Variants in SYCP2L observed in about 807,000 individuals in gnomAD.
SYCP2L encodes the protein synaptonemal complex protein 2-like.
SYCP2L carries 98 observed loss-of-function variants against 125.8 expected under a neutral mutation model. The ratio of observed to expected loss-of-function variants is 0.78; its 90% CI spans 0.66 to 0.92. The LOEUF (loss-of-function observed/expected upper bound fraction) is 0.92, where lower values mean the gene tolerates loss of function less well. Ranked by LOEUF, SYCP2L falls within the 40% of genes least tolerant of loss-of-function variation. The pLI is 0.00. For missense variants in SYCP2L, 842 were observed against 936.4 expected (o/e 0.90, Z 1.32); for synonymous variants, 317 against 325.4 (o/e 0.97, Z 0.28).
chr6:10,902,553 G>T, intron 6 of SYCP2L, 124 bp from the exon 7 acceptor site: 2 of 754,960 alleles, frequency 2.6e-6, no homozygotes, highest in South Asian at 3.7e-5. Flanking sequence ...GGCACAGCCT[G>T]CAAAGTGGGT....
chr6:10,967,249 A>G (rs1781698010), intron 29 of SYCP2L, among the ~76,000 whole-genome samples: 1 of 152,176 alleles, frequency 6.6e-6, no homozygotes, highest in African/African-American at 2.4e-5. Context: ...TAAGTAATCC[A>G]TAAACAAATG....
chr6:10,972,369 G>C (rs2113438970), intron 29 of SYCP2L, among the ~76,000 whole-genome samples: 1 of 152,306 alleles, frequency 6.6e-6, no homozygotes, highest in South Asian at 2.1e-4. Flanking sequence ...GATTAAATGT[G>C]AACTAAATGT....
In SYCP2L at chr6:10,926,704, C is replaced by T. The variant is rs565563384; in HGVS notation, c.1312+272C>T. Among the ~76,000 whole-genome samples, 17 of 151,714 alleles carry T rather than the reference C, an allele frequency of 1.1e-4. No homozygotes were observed. In the South Asian group the frequency reaches 2.7e-3, roughly 24 times the overall value. On this transcript the variant is annotated intron_variant, in intron 16 of 29. Coordinates refer to ENST00000283141, the MANE Select transcript of SYCP2L (RefSeq NM_001040274.3). The stretch of plus-strand genomic sequence containing the variant: ...GGAAGGTCTTGTCTACCCACAAAGT[C>T]GGCCCTGCACTAGACCGTGTTTCTC...
intron 8 of SYCP2L, among the ~76,000 whole-genome samples, chr6:10,903,288 C>T (rs1780416247): frequency 6.6e-6 from 1 of 152,092 alleles, no homozygotes; most frequent in South Asian, 2.1e-4. Context: ...GTGGCTCACG[C>T]CTGTAATCCC....
intron 23 of SYCP2L, among the ~76,000 whole-genome samples, chr6:10,950,013 C>G (rs1050917986): frequency 3.9e-5 from 6 of 151,990 alleles, no homozygotes; most frequent in Non-Finnish European, 8.8e-5. Flanking sequence ...TCCCCTATTT[C>G]TAAAGTTAAC....
intron 29 of SYCP2L, among the ~76,000 whole-genome samples, chr6:10,966,680 C>T (rs959434614): frequency 2.0e-5 from 3 of 152,042 alleles, no homozygotes; most frequent in Non-Finnish European, 4.4e-5. Context: ...TGGTACAAGT[C>T]CAAAGCAATT....
intron 8 of SYCP2L, among the ~76,000 whole-genome samples, chr6:10,903,560 T>C (rs371345231): frequency 1.3e-5 from 2 of 150,366 alleles, no homozygotes; most frequent in African/African-American, 4.9e-5. Context: ...AAAATAATAA[T>C]AATAAAAAAA....
rs745420217 is a variant in SYCP2L, at chr6:10,898,855, A to ATAT, written c.466+12_466+14dup. The stretch of plus-strand genomic sequence containing the variant: ...TCCAGGAGTAGTAGTGAAGGTAAGT[A>ATAT]TATTATTGGCTACTAATTGGCTATT... On this transcript the variant is annotated splice_region_variant and intron_variant, in intron 6 of 29. Coordinates refer to ENST00000283141, the MANE Select transcript of SYCP2L (RefSeq NM_001040274.3). 113 of 1,374,028 alleles carry ATAT rather than the reference A, an allele frequency of 8.2e-5. No individual in the cohort carries two copies. Among genetic ancestry groups the ATAT allele is most frequent in the Admixed American group, 2.8e-4 (16 of 58,048 alleles). The allele number at this position is 1,374,028 out of a possible 1,614,324, so 85.1% of individuals were successfully genotyped here.
intron 29 of SYCP2L, among the ~76,000 whole-genome samples, chr6:10,968,736 T>C (rs1173539940): frequency 3.9e-5 from 6 of 152,158 alleles, no homozygotes; most frequent in Non-Finnish European, 8.8e-5. Context: ...GGAGGAGATG[T>C]ACGCACAGCA....
At chr6:10,922,005 G>A (rs1306076696) in intron 14 of SYCP2L, among the ~76,000 whole-genome samples, 3 of 152,092 alleles carry the variant, frequency 2.0e-5, no homozygotes, top group African/African-American at 4.8e-5. Flanking sequence ...ATGCCTGGCC[G>A]ACCACTTTTT....
chr6:10,939,140 A>G (rs993833849), intron 21 of SYCP2L, among the ~76,000 whole-genome samples: 1 of 152,084 alleles, frequency 6.6e-6, no homozygotes, highest in African/African-American at 2.4e-5. Flanking sequence ...AGAAAATTTC[A>G]TTGATAATAG....
At chr6:10,919,818 GTC>G (rs1380912363) in intron 14 of SYCP2L, among the ~76,000 whole-genome samples, 1 of 152,110 alleles carries the variant, frequency 6.6e-6, no homozygotes, top group Non-Finnish European at 1.5e-5. Context: ...GATTATGGCT[GTC>G]TCTGCTGAGT....
chr6:10,948,643 T>C lies in SYCP2L; in HGVS notation c.1954+5897T>C, dbSNP rs148967578. Among the ~76,000 whole-genome samples, 55 of 152,234 alleles carry C rather than the reference T, an allele frequency of 3.6e-4. No individual in the cohort carries two copies. In the East Asian group the frequency reaches 5.4e-3, roughly 15 times the overall value. The stretch of plus-strand genomic sequence containing the variant: ...GAATACCTTATTAATGAGCTTTACA[T>C]CTACACTCATGAGTGGAACAAACCT... On this transcript the variant is annotated intron_variant, in intron 23 of 29. Transcript: ENST00000283141.
intron 1 of SYCP2L, among the ~76,000 whole-genome samples, chr6:10,889,097 T>TGATATGC (rs1341684539): frequency 2.0e-5 from 3 of 152,122 alleles, no homozygotes; most frequent in African/African-American, 4.8e-5. Context: ...CCTGACCTCA[T>TGATATGC]GATATGCCCG....
chr6:10,923,899 T>C (rs958581023), intron 14 of SYCP2L, among the ~76,000 whole-genome samples: 5 of 151,886 alleles, frequency 3.3e-5, no homozygotes, highest in African/African-American at 1.2e-4. Context: ...TTAGCCAGGA[T>C]GGTCTCCATC....
intron 17 of SYCP2L, among the ~76,000 whole-genome samples, chr6:10,928,094 A>G (rs1780929501): frequency 6.6e-6 from 1 of 151,998 alleles, no homozygotes; most frequent in Non-Finnish European, 1.5e-5. Flanking sequence ...TCAAACACAC[A>G]TGCTCTACAA....
chr6:10,902,184 T>TG (rs1260321211), intron 6 of SYCP2L, among the ~76,000 whole-genome samples: 1 of 152,182 alleles, frequency 6.6e-6, no homozygotes, highest in Non-Finnish European at 1.5e-5. Context: ...GGAAGGATGG[T>TG]GGGGAGGCCA....
chr6:10,895,440 C>CT (rs1780241349), intron 4 of SYCP2L, among the ~76,000 whole-genome samples: 1 of 152,104 alleles, frequency 6.6e-6, no homozygotes, highest in African/African-American at 2.4e-5. Flanking sequence ...TAAACATTTC[C>CT]TTTTTTTCTT....
intron 29 of SYCP2L, among the ~76,000 whole-genome samples, chr6:10,969,870 G>A (rs778810815): frequency 1.3e-5 from 2 of 152,042 alleles, no homozygotes; most frequent in Non-Finnish European, 2.9e-5. Flanking sequence ...GTGAAAAGTC[G>A]CAAAGTAGCA....
Sources: gnomAD v4.1 joint callset for allele counts (sites outside exome capture counted in the v4.1 genomes callset) on GRCh38, gnomAD v4.1.1 for gene constraint, MANE v1.5 for transcripts, NCBI Gene and HGNC (gene_info 2026-07-23, HGNC 2026-07-21) for gene names.